PTPRG: variants seen among roughly 807,000 people sequenced by gnomAD.
The protein encoded by PTPRG is protein tyrosine phosphatase receptor type G, also known as receptor-type tyrosine-protein phosphatase gamma.
Under a neutral mutation model 165.3 loss-of-function variants are expected in PTPRG, and 102 were observed. That is an observed-to-expected ratio of 0.62 (90% CI 0.53 to 0.73). PTPRG has a LOEUF of 0.73. Among genes scored for constraint, PTPRG ranks in the 30% least tolerant of loss-of-function variants. The pLI, the probability that PTPRG is intolerant of heterozygous loss-of-function variation, is 0.00. For synonymous variants in PTPRG, 675 were observed against 669.5 expected, an observed-to-expected ratio of 1.01 and a Z score of -0.13; for missense variants, 1,866 against 1,861.4, an observed-to-expected ratio of 1.00 and a Z score of -0.05.
At chr3:61,582,039 C>T (rs141831148) in intron 1 of PTPRG, among the ~76,000 whole-genome samples, 7 of 152,208 alleles carry the variant, frequency 4.6e-5, no homozygotes, top group Non-Finnish European at 7.4e-5. Context: ...GTGATCTCCC[C>T]TCATTGCAAC....
chr3:61,863,595 C>T (rs1354650198), intron 2 of PTPRG, among the ~76,000 whole-genome samples: 2 of 152,196 alleles, frequency 1.3e-5, no homozygotes, highest in Non-Finnish European at 2.9e-5. Flanking sequence ...GCCTTTTCTG[C>T]TTATTTGCTA....
At chr3:61,726,430 C>T (rs2032258994) in intron 1 of PTPRG, among the ~76,000 whole-genome samples, 1 of 152,056 alleles carries the variant, frequency 6.6e-6, no homozygotes, top group African/African-American at 2.4e-5. Context: ...AATATAATAT[C>T]AAATCTCACT....
In PTPRG at chr3:62,273,748, G is replaced by C. The variant is rs753180827; in HGVS notation, c.3369G>C (p.Lys1123Asn). The C allele has an allele frequency of 6.2e-7, 1 of 1,613,754 alleles. No homozygotes were observed. Residue 1123 changes from lysine to asparagine, a missense_variant, in exon 23 of 30, where the codon AAG becomes AAC. Physicochemically the swap from Lys to Asn is moderately conservative, Grantham distance 94. Transcript: ENST00000474889. The surrounding 1 kb of genome is among the most constrained non-coding windows in gnomAD (Gnocchi z 4.1). ...HDALLEAILG[K>N]ETEVSSNQLH... ...CCTTGTTGGAAGCCATTCTTGGAAA[G>C]GAGACTGAAGTATCTTCAAATCAGC...
chr3:61,786,633 G>A (rs2034713081), intron 2 of PTPRG, among the ~76,000 whole-genome samples: 1 of 152,150 alleles, frequency 6.6e-6, no homozygotes, highest in Non-Finnish European at 1.5e-5. Flanking sequence ...GAAACAGGCA[G>A]GAGTATTATT....
chr3:61,621,256 G>C (rs955523774), intron 1 of PTPRG, among the ~76,000 whole-genome samples: 2 of 152,028 alleles, frequency 1.3e-5, no homozygotes, highest in Non-Finnish European at 2.9e-5. Context: ...TGACCAGCAG[G>C]AATCCTGCCT....
At chr3:61,954,160 C>T (rs2039968021) in intron 2 of PTPRG, among the ~76,000 whole-genome samples, 2 of 152,136 alleles carry the variant, frequency 1.3e-5, no homozygotes, top group South Asian at 4.2e-4. Flanking sequence ...CCCTTCCCTG[C>T]CCAACTTCCC....
At chr3:61,715,242 G>T (rs1210486121) in intron 1 of PTPRG, among the ~76,000 whole-genome samples, 3 of 151,136 alleles carry the variant, frequency 2.0e-5, no homozygotes, top group Admixed American at 1.3e-4. Flanking sequence ...TTGAGTCAGG[G>T]TTGTCCTGTC....
At chr3:61,649,048 T>G (rs1233287319) in intron 1 of PTPRG, among the ~76,000 whole-genome samples, 1 of 152,202 alleles carries the variant, frequency 6.6e-6, no homozygotes, top group Non-Finnish European at 1.5e-5. Context: ...GTGTTAACTT[T>G]GGGTTTGTCT....
rs989925219 is a variant in PTPRG at position 61,896,144 on chromosome 3, C to G, written c.191-93481C>G. 3.3e-5 allele frequency among the ~76,000 whole-genome samples: 5 copies of G among 152,152 alleles called. No homozygotes were observed. In the East Asian group the frequency reaches 7.7e-4, roughly 23 times the overall value. ...AGGTTCATGTATCCACTATCCCAGT[C>G]AAGATACTGAACAGTTCCAATACCA... On this transcript the variant is annotated intron_variant, in intron 2 of 29. Coordinates refer to ENST00000474889, the MANE Select transcript of PTPRG (RefSeq NM_002841.4).
chr3:62,025,217 T>C (rs778226739), intron 4 of PTPRG, among the ~76,000 whole-genome samples: 2 of 152,194 alleles, frequency 1.3e-5, no homozygotes, highest in Non-Finnish European at 2.9e-5. Flanking sequence ...AATGAACTAA[T>C]TGTTAAAATT....
chr3:62,120,428 G>T (rs1045992182), intron 5 of PTPRG, among the ~76,000 whole-genome samples: 1 of 152,210 alleles, frequency 6.6e-6, no homozygotes, highest in Non-Finnish European at 1.5e-5. Context: ...TAGTCTGCTG[G>T]ATGGAAAAAT....
chr3:61,596,720 A>G (rs1486394866), intron 1 of PTPRG, among the ~76,000 whole-genome samples: 1 of 152,204 alleles, frequency 6.6e-6, no homozygotes, highest in Non-Finnish European at 1.5e-5. Context: ...TTTCACAAGT[A>G]GAAAAGACAA....
At chr3:62,266,822 C>G (rs530040202) in intron 17 of PTPRG, among the ~76,000 whole-genome samples, 88 of 147,600 alleles carry the variant, frequency 6.0e-4, no homozygotes, top group African/African-American at 2.0e-3. Flanking sequence ...TGCTGGGCAA[C>G]TAGATACACA....
At chr3:62,068,879 T>G (rs923908279) in intron 4 of PTPRG, among the ~76,000 whole-genome samples, 6 of 152,124 alleles carry the variant, frequency 3.9e-5, no homozygotes, top group African/African-American at 1.2e-4. Flanking sequence ...AGGAAATAAT[T>G]AAGGATTAGT....
intron 1 of PTPRG, among the ~76,000 whole-genome samples, chr3:61,589,542 G>A (rs1311539636): frequency 1.3e-5 from 2 of 152,170 alleles, no homozygotes; most frequent in Non-Finnish European, 2.9e-5. Context: ...GGCAGGGCTA[G>A]GATTTGAAAG....
intron 1 of PTPRG, among the ~76,000 whole-genome samples, chr3:61,644,384 A>G (rs1702145549): frequency 6.6e-6 from 1 of 152,164 alleles, no homozygotes; most frequent in Admixed American, 6.5e-5. Context: ...ATAGTGTTTC[A>G]TCTCTCGGGA....
intron 2 of PTPRG, among the ~76,000 whole-genome samples, chr3:61,889,861 T>G (rs2038159986): frequency 2.0e-5 from 3 of 152,194 alleles, no homozygotes; most frequent in African/African-American, 7.2e-5. Flanking sequence ...AGGCCAATAT[T>G]CGTAATCTGG....
intron 16 of PTPRG, chr3:62,261,735 C>G (rs1226963065): frequency 6.6e-6 from 1 of 151,562 alleles, no homozygotes; most frequent in Non-Finnish European, 1.5e-5. Context: ...ACCTTAAATT[C>G]TTTGAGTACA....
At chr3:61,817,085 A>G (rs997515423) in intron 2 of PTPRG, among the ~76,000 whole-genome samples, 1 of 132,736 alleles carries the variant, frequency 7.5e-6, no homozygotes, top group African/African-American at 2.8e-5. Context: ...TATATATAAT[A>G]TATATTACAT....
Sources: allele counts gnomAD v4.1 joint callset (sites outside exome capture counted in the v4.1 genomes callset), GRCh38; gene constraint gnomAD v4.1.1; non-coding constraint Gnocchi (gnomAD v3.1); transcripts MANE v1.5; gene names NCBI Gene and HGNC (gene_info 2026-07-23, HGNC 2026-07-21).